The following ARHGEF39 variants were observed in gnomAD, a reference collection of about 807,000 sequenced individuals.
ARHGEF39 encodes the protein Rho guanine nucleotide exchange factor (GEF) 39.
In ARHGEF39, 45 loss-of-function variants were observed where a neutral mutation model predicts 47.5. The observed-to-expected ratio is 0.95, with a 90% CI of 0.75 to 1.22. The LOEUF (loss-of-function observed/expected upper bound fraction) is 1.22, where lower values mean the gene tolerates loss of function less well. Ranked by LOEUF, ARHGEF39 falls within the 50% of genes most tolerant of loss-of-function variation. The pLI, the probability that ARHGEF39 is intolerant of heterozygous loss-of-function variation, is 0.00. For missense variants in ARHGEF39, 411 were observed against 425.3 expected, an observed-to-expected ratio of 0.97 and a Z score of 0.30; for synonymous variants, 164 against 167.8, an observed-to-expected ratio of 0.98 and a Z score of 0.17.
At chr9:35,663,143 T>C (rs1824059445) in intron 5 of ARHGEF39, 69 bp from the exon 6 acceptor site, 5 of 1,605,156 alleles carry the variant, frequency 3.1e-6, no homozygotes, top group Non-Finnish European at 4.3e-6. Context: ...GTGAAAGAGG[T>C]TATTCTGGAA....
chr9:35,664,972 A>G, intron 1 of ARHGEF39, 60 bp downstream of exon 1: 1 of 1,508,736 alleles, frequency 6.6e-7, no homozygotes, highest in Non-Finnish European at 8.9e-7. Context: ...GACCTCGCAG[A>G]GACCCTCCCA....
At chr9:35,662,443 C>G (rs944795092) in intron 7 of ARHGEF39, 69 bp downstream of exon 7, 71 of 1,512,884 alleles carry the variant, frequency 4.7e-5, no homozygotes, top group Non-Finnish European at 4.5e-5. Context: ...GGACCCAGAC[C>G]AGGGAGATAA....
chr9:35,662,402 T>A, intron 7 of ARHGEF39, 110 bp downstream of exon 7: 1 of 1,383,524 alleles, frequency 7.2e-7, no homozygotes, highest in Non-Finnish European at 1.0e-6. Context: ...CTATCCTCTC[T>A]CAATGTAGAT....
In ARHGEF39 at chr9:35,663,996, G is replaced by C; in HGVS notation, c.473+12C>G. ...AAAAGAGAGAGGCGGCTGGAATCAA[G>C]AGTTCACTCACTGCTGGAGCCGTTG... On this transcript the variant is annotated intron_variant, in intron 4 of 8. Coordinates refer to ENST00000378387, the MANE Select transcript of ARHGEF39 (RefSeq NM_032818.3). 6.2e-7 allele frequency: 1 copy of C among 1,610,426 alleles called. No homozygotes were observed. The highest frequency in any genetic ancestry group is 8.5e-7 in the Non-Finnish European group (1 of 1,176,652).
At chr9:35,664,924 A>G in intron 1 of ARHGEF39, 74 bp from the exon 2 acceptor site, 2 of 1,553,834 alleles carry the variant, frequency 1.3e-6, no homozygotes, top group Non-Finnish European at 8.7e-7. Flanking sequence ...CAGAAACCGC[A>G]GAAGTCTGCC....
rs1323924577 is a variant in ARHGEF39, at chr9:35,661,114, G to A, written c.*873C>T. 1 of 1,613,900 alleles carries A rather than the reference G, an allele frequency of 6.2e-7. No homozygotes were observed. The highest frequency in any genetic ancestry group is 1.3e-5 in the African/African-American group (1 of 74,924). On this transcript the variant is annotated 3_prime_UTR_variant, in exon 9 of 9. Transcript: ENST00000378387. ...AGGTGCAGCCAGGCTGTGGCAAAGG[G>A]CCCCAGTCACAGCCTTGGCTGGGAA...
At chr9:35,663,973 AAG>A in intron 4 of ARHGEF39, 33 bp downstream of exon 4, 8 of 1,595,716 alleles carry the variant, frequency 5.0e-6, no homozygotes, top group Non-Finnish European at 6.9e-6. Flanking sequence ...TACAAACTAA[AAG>A]AGAGAGGCGG....
At position 35,664,489 on chromosome 9, in the gene ARHGEF39, C is replaced by A; in HGVS notation, c.237G>T (p.Glu79Asp). ...ATCCTCCTTCCAGGTAGGGAAGCAG[C>A]TCCCTGTGTGGGCAAGGACAGCAAA... ...SWELIYGASQ[E>D]LLPYLEGGCW... The change falls in exon 3 of 9, where the codon GAG becomes GAT. Residue 79 changes from glutamate (E) to aspartate (D), a missense_variant. Coordinates refer to ENST00000378387, the MANE Select transcript of ARHGEF39 (RefSeq NM_032818.3). 6.3e-7 allele frequency: 1 copy of A among 1,598,310 alleles called. No homozygotes were observed. The highest frequency in any genetic ancestry group is 8.5e-7 in the Non-Finnish European group (1 of 1,172,666).
chr9:35,664,254 A>C, intron 3 of ARHGEF39, 118 bp downstream of exon 3: 1 of 1,519,232 alleles, frequency 6.6e-7, no homozygotes, highest in Non-Finnish European at 8.9e-7. Context: ...CTCTACAAGG[A>C]ACTTACCACA....
rs1451705593 is a variant in ARHGEF39, at chr9:35,664,035, A to G, written c.446T>C (p.Leu149Pro). 1 of 1,613,982 alleles carries G rather than the reference A, an allele frequency of 6.2e-7. No homozygotes were observed. Among genetic ancestry groups the G allele is most frequent in the African/African-American group, 1.3e-5 (1 of 74,928 alleles). ...CTGGAGCCGTTGCAGAGGCAGAGGG[A>G]GCAGGTCCTGGAGCTGAAGGCCCCC... ...EFGGLQLQDL[L>P]PLPLQRLQQY... is the part of the protein sequence containing the mutation. The change falls in exon 4 of 9, where the codon CTC becomes CCC. Residue 149 changes from leucine to proline, a missense_variant. Coordinates refer to ENST00000378387, the MANE Select transcript of ARHGEF39 (RefSeq NM_032818.3).
At chr9:35,663,197 A>ACGCCT in intron 5 of ARHGEF39, 123 bp from the exon 6 acceptor site, 1 of 1,563,046 alleles carries the variant, frequency 6.4e-7, no homozygotes, top group South Asian at 1.1e-5. Flanking sequence ...AAGGCAGAGC[A>ACGCCT]GTAGGGACAC....
chr9:35,660,597 A>G lies in ARHGEF39; in HGVS notation c.*1390T>C. The G allele has an allele frequency of 6.2e-7, 1 of 1,614,204 alleles. No homozygotes were observed. Among genetic ancestry groups the G allele is most frequent in the Non-Finnish European group, 8.5e-7 (1 of 1,180,026 alleles). On this transcript the variant is annotated 3_prime_UTR_variant, in exon 9 of 9. Transcript: ENST00000378387. ...AGTTGACACAACAGCTGGCCCAGAC[A>G]GAGCAGCACCTGAACAACCTGATGG... is the stretch of plus-strand genomic sequence containing the variant.
chr9:35,663,434 G>A, intron 4 of ARHGEF39, 42 bp from the exon 5 acceptor site: 1 of 1,553,516 alleles, frequency 6.4e-7, no homozygotes, highest in Non-Finnish European at 8.9e-7. Context: ...AGCAGAGCCA[G>A]GCAGAATTCC....
In ARHGEF39 at chr9:35,665,127, G is replaced by A. The variant is rs766967868; in HGVS notation, c.43C>T (p.Gln15Ter). Residue 15 changes from glutamine to a stop codon, truncating the protein, a stop_gained, in exon 1 of 9, where the codon CAG becomes TAG. Transcript: ENST00000378387. LOFTEE classifies it high-confidence loss of function. ...CPGSRCPVQEQRARWERKRAC... is the reference protein window; with the variant it reads ...CPGSRCPVQE ...CGTTTCCGCTCCCAGCGGGCACGCT[G>A]CTCTTGCACCGGGCACCGCGAACCG... 18 of 1,545,758 alleles carry A rather than the reference G, an allele frequency of 1.2e-5. No homozygotes were observed. The South Asian group carries it at 2.0e-4, about 17-fold the overall frequency.
chr9:35,664,538 G>A (rs2131826316), intron 2 of ARHGEF39, 46 bp from the exon 3 acceptor site: 1 of 1,550,618 alleles, frequency 6.4e-7, no homozygotes, highest in South Asian at 1.2e-5. Context: ...AACCACTCAA[G>A]CACCACCTCA....
Position 35,661,022 on chromosome 9 carries a change from C to T in ARHGEF39, c.*965G>A. On this transcript the variant is annotated 3_prime_UTR_variant, in exon 9 of 9. Coordinates refer to ENST00000378387, the MANE Select transcript of ARHGEF39 (RefSeq NM_032818.3). ...GTGACAGTCAGGCCTGGGAGGAGCC[C>T]ACAAACTGGAGCACAGAGACATGGA... The T allele has an allele frequency of 1.2e-6, 2 of 1,614,040 alleles. No individual in the cohort carries two copies. Among genetic ancestry groups the T allele is most frequent in the Non-Finnish European group, 1.7e-6 (2 of 1,179,974 alleles).
intron 5 of ARHGEF39, 92 bp downstream of exon 5, chr9:35,663,230 A>G (rs1563916376): frequency 1.3e-6 from 2 of 1,559,730 alleles, no homozygotes; most frequent in East Asian, 4.5e-5. Context: ...AGTGGAAGAT[A>G]GGGTCATACC....
chr9:35,662,528 C>A lies in ARHGEF39; in HGVS notation c.887G>T (p.Cys296Phe), dbSNP rs1318276928. 2 of 1,613,712 alleles carry A rather than the reference C, an allele frequency of 1.2e-6. No individual in the cohort carries two copies. Among genetic ancestry groups the A allele is most frequent in the South Asian group, 1.1e-5 (1 of 91,070 alleles). ...SRVFGHSGGP[C>F]GGLLSLSFPH... The stretch of plus-strand genomic sequence containing the variant: ...ATTACTTACACTGAGCAACCCACCA[C>A]AAGGGCCTCCTGAGTGGCCAAAGAC... Residue 296 changes from cysteine (C) to phenylalanine (F), a missense_variant, in exon 7 of 9, where the codon TGT becomes TTT. Cys to Phe is a radical substitution (Grantham distance 205). Coordinates refer to ENST00000378387, the MANE Select transcript of ARHGEF39 (RefSeq NM_032818.3).
At chr9:35,663,251 G>A in intron 5 of ARHGEF39, 71 bp downstream of exon 5, 6 of 1,573,644 alleles carry the variant, frequency 3.8e-6, no homozygotes, top group East Asian at 2.2e-5. Context: ...AGACATTGTT[G>A]GAGGTCAGAA....
Sources: gnomAD v4.1 joint callset for allele counts on GRCh38, gnomAD v4.1.1 for gene constraint, MANE v1.5 for transcripts, NCBI Gene and HGNC (gene_info 2026-07-23, HGNC 2026-07-21) for gene names.